Variants in GRK3 observed in about 807,000 individuals in gnomAD.
The protein encoded by GRK3 is adrenergic, beta, receptor kinase 2.
Under a neutral mutation model 95.7 loss-of-function variants are expected in GRK3, and 54 were observed. The ratio of observed to expected loss-of-function variants is 0.56; its 90% CI spans 0.45 to 0.71. The LOEUF (loss-of-function observed/expected upper bound fraction) is 0.71. GRK3 is among the 30% of genes least tolerant of loss of function. The pLI, the probability that GRK3 is intolerant of heterozygous loss-of-function variation, is 0.00. For synonymous variants in GRK3, 281 were observed against 290.8 expected (o/e 0.97, Z 0.34); for missense variants, 649 against 851.2 (o/e 0.76, Z 2.96).
intron 1 of GRK3, among the ~76,000 whole-genome samples, chr22:25,578,188 C>T (rs1273206326): frequency 6.6e-6 from 1 of 151,496 alleles, no homozygotes; most frequent in Non-Finnish European, 1.5e-5. Flanking sequence ...TTAAAAAAAT[C>T]GAAGAAACAA....
intron 3 of GRK3, among the ~76,000 whole-genome samples, chr22:25,645,955 G>A (rs1471193209): frequency 6.6e-6 from 1 of 151,366 alleles, no homozygotes; most frequent in Non-Finnish European, 1.5e-5. Flanking sequence ...TAAGGCAAAA[G>A]CAGACAGGGT....
intron 5 of GRK3, 30 bp downstream of exon 5, chr22:25,663,734 A>T: frequency 6.7e-7 from 1 of 1,492,576 alleles, no homozygotes; most frequent in Non-Finnish European, 9.3e-7. Flanking sequence ...AAATAAATAG[A>T]TAATATTTGC....
intron 1 of GRK3, among the ~76,000 whole-genome samples, chr22:25,572,440 CACAA>C (rs1234351164): frequency 6.6e-6 from 1 of 152,170 alleles, no homozygotes; most frequent in Non-Finnish European, 1.5e-5. Context: ...CACAGTCTTC[CACAA>C]TGGTTGAACT....
chr22:25,604,469 TC>T lies in GRK3; in HGVS notation c.190+17del, dbSNP rs761566889. On this transcript the variant is annotated intron_variant, in intron 2 of 20. Coordinates refer to ENST00000324198, the MANE Select transcript of GRK3 (RefSeq NM_005160.4). ...CAGAAAATTGGTAAGTCCTGCTTGT[TC>T]ATTTGGCATACGGTAATTTTAGTGA... The T allele has an allele frequency of 6.3e-7, 1 of 1,574,842 alleles. No homozygotes were observed. Among genetic ancestry groups the T allele is most frequent in the Non-Finnish European group, 8.7e-7 (1 of 1,149,690 alleles).
intron 2 of GRK3, among the ~76,000 whole-genome samples, chr22:25,609,351 T>A (rs76533732): frequency 1.3e-5 from 2 of 151,502 alleles, no homozygotes; most frequent in South Asian, 2.1e-4. Context: ...TTTTTTTTTT[T>A]AAGACAGTCT....
In GRK3 at chr22:25,726,802, T is replaced by A. The variant is rs899095377; in HGVS notation, c.*4352T>A. The A allele has an allele frequency of 6.6e-6, 1 of 152,222 alleles. No homozygotes were observed. The highest frequency in any genetic ancestry group is 1.5e-5 in the Non-Finnish European group (1 of 68,052). The allele number at this position is 152,222 out of a possible 1,614,324, so 9.4% of individuals were successfully genotyped here. On this transcript the variant is annotated 3_prime_UTR_variant, in exon 21 of 21. Coordinates refer to ENST00000324198, the MANE Select transcript of GRK3 (RefSeq NM_005160.4). ...TCATTCAGAAGCCATTTGCTGCCTATCAGGACTTTCTGAAGAAGTTCTTTT... is the reference window on the plus strand; with the variant it reads ...TCATTCAGAAGCCATTTGCTGCCTAACAGGACTTTCTGAAGAAGTTCTTTT...
At chr22:25,712,228 G>T (rs2085349455) in intron 17 of GRK3, among the ~76,000 whole-genome samples, 1 of 152,192 alleles carries the variant, frequency 6.6e-6, no homozygotes, top group Non-Finnish European at 1.5e-5. Flanking sequence ...AGTGCAGAGG[G>T]CCCAGGTCAC....
intron 19 of GRK3, among the ~76,000 whole-genome samples, chr22:25,718,744 A>G (rs569999863): frequency 1.3e-5 from 2 of 152,338 alleles, no homozygotes; most frequent in African/African-American, 4.8e-5. Context: ...GACTTTGAAC[A>G]CGTCACATTG....
In GRK3 at chr22:25,689,464, T is replaced by C. The variant is rs573093073; in HGVS notation, c.958-725T>C. ...CAGTTTTCTAATAGCATGCCATTTA[T>C]TTTTATTTCAAGCAAAACAATAGTT... On this transcript the variant is annotated intron_variant, in intron 11 of 20. Transcript: ENST00000324198. Among the ~76,000 whole-genome samples, 6 of 152,338 alleles carry C rather than the reference T, an allele frequency of 3.9e-5. No homozygotes were observed. The South Asian group carries it at 1.2e-3, about 32-fold the overall frequency.
chr22:25,587,390 A>G (rs917904867), intron 1 of GRK3, among the ~76,000 whole-genome samples: 1 of 152,086 alleles, frequency 6.6e-6, no homozygotes, highest in African/African-American at 2.4e-5. Context: ...GAAAAGGTAA[A>G]TGGATTCTGA....
At chr22:25,622,783 G>A (rs2084596457) in intron 2 of GRK3, among the ~76,000 whole-genome samples, 1 of 152,182 alleles carries the variant, frequency 6.6e-6, no homozygotes, top group South Asian at 2.1e-4. Flanking sequence ...AGTAAGAGCA[G>A]CAGAGATGTA....
In GRK3 at chr22:25,723,697, C is replaced by G. The variant is rs1035858991; in HGVS notation, c.*1247C>G. 3.3e-5 allele frequency: 5 copies of G among 152,074 alleles called. No individual in the cohort carries two copies. Among genetic ancestry groups the G allele is most frequent in the Non-Finnish European group, 7.4e-5 (5 of 68,014 alleles). The allele number at this position is 152,074 out of a possible 1,614,324, so 9.4% of individuals were successfully genotyped here. A position where few individuals can be genotyped will look rare whatever the true frequency, so the allele number is the denominator to read the frequency against. The stretch of plus-strand genomic sequence containing the variant: ...CATCAGTCTTAAAAAAAAAATTTTA[C>G]AAATCCACGTATTTGTCCCATTCTT... On this transcript the variant is annotated 3_prime_UTR_variant, in exon 21 of 21. Transcript: ENST00000324198.
chr22:25,670,776 C>T (rs2084974385), intron 6 of GRK3, among the ~76,000 whole-genome samples: 1 of 149,432 alleles, frequency 6.7e-6, no homozygotes, highest in Non-Finnish European at 1.5e-5. Flanking sequence ...AACACCTGGC[C>T]GGGAGGGTGG....
At chr22:25,690,305 G>T (rs376214762) in intron 12 of GRK3, 22 bp downstream of exon 12, 9 of 1,558,954 alleles carry the variant, frequency 5.8e-6, no homozygotes, top group Non-Finnish European at 7.1e-6. Context: ...GTCAACTTCA[G>T]TTCACCACCA....
intron 3 of GRK3, among the ~76,000 whole-genome samples, chr22:25,659,884 T>C (rs1601508122): frequency 6.6e-6 from 1 of 152,236 alleles, no homozygotes; most frequent in African/African-American, 2.4e-5. Flanking sequence ...TGACTGTTCA[T>C]GGGAAGGAGC....
intron 2 of GRK3, among the ~76,000 whole-genome samples, chr22:25,643,539 G>A (rs1166752739): frequency 6.6e-6 from 1 of 152,184 alleles, no homozygotes; most frequent in Admixed American, 6.5e-5. Flanking sequence ...GGTAGACTTT[G>A]TGAGTCTTTC....
At chr22:25,608,082 C>T (rs372852433) in intron 2 of GRK3, among the ~76,000 whole-genome samples, 2 of 151,240 alleles carry the variant, frequency 1.3e-5, no homozygotes, top group African/African-American at 4.9e-5. Context: ...CAGATGTGGT[C>T]GGTGTCAGTT....
chr22:25,566,543 G>T (rs1363310414), intron 1 of GRK3, among the ~76,000 whole-genome samples: 2 of 152,180 alleles, frequency 1.3e-5, no homozygotes, highest in East Asian at 3.8e-4. Flanking sequence ...TTTGCAGGAT[G>T]TGCTACTCTT....
intron 1 of GRK3, among the ~76,000 whole-genome samples, chr22:25,568,856 T>G (rs1477668460): frequency 1.3e-5 from 2 of 152,230 alleles, no homozygotes; most frequent in African/African-American, 4.8e-5. Flanking sequence ...ATAGAACACA[T>G]GATGTTTGGT....
Sources: gnomAD v4.1 joint callset for allele counts (sites outside exome capture counted in the v4.1 genomes callset) on GRCh38, gnomAD v4.1.1 for gene constraint, MANE v1.5 for transcripts, NCBI Gene and HGNC (gene_info 2026-07-23, HGNC 2026-07-21) for gene names.